The following PRKCA variants were observed in gnomAD, a reference collection of about 807,000 sequenced individuals.
PRKCA encodes protein kinase C alpha type.
In PRKCA, 27 loss-of-function variants were observed where a neutral mutation model predicts 87.0. The ratio of observed to expected loss-of-function variants is 0.31; its 90% CI spans 0.23 to 0.43. The LOEUF (loss-of-function observed/expected upper bound fraction) is 0.43. Ranked by LOEUF, PRKCA falls within the 20% of genes least tolerant of loss-of-function variation. The pLI, the probability that PRKCA is intolerant of heterozygous loss-of-function variation, is 1.00. For synonymous variants in PRKCA, 329 were observed against 311.1 expected (o/e 1.06, Z -0.61); for missense variants, 518 against 852.3 (o/e 0.61, Z 4.88).
rs187451160 is a variant in PRKCA, at chr17:66,491,690, A to G, written c.206-4511A>G. Among the ~76,000 whole-genome samples the G allele has an allele frequency of 3.3e-3, 497 of 152,334 alleles. 3 individuals are homozygous for G. The Middle Eastern group carries it at 0.041, about 13-fold the overall frequency. The stretch of plus-strand genomic sequence containing the variant: ...CCCTATGATGTCCATCTCCAGGCAA[A>G]CCTAATGCATCCTTTTGTTTTATTG... On this transcript the variant is annotated intron_variant, in intron 2 of 16. Transcript: ENST00000413366.
At chr17:66,741,953 A>G (rs1381076406) in intron 12 of PRKCA, among the ~76,000 whole-genome samples, 1 of 152,210 alleles carries the variant, frequency 6.6e-6, no homozygotes, top group African/African-American at 2.4e-5. Context: ...ACAAGAAAAC[A>G]CATTTTTCTC....
At chr17:66,448,764 CTCAT>C (rs1914161100) in intron 2 of PRKCA, among the ~76,000 whole-genome samples, 1 of 151,810 alleles carries the variant, frequency 6.6e-6, no homozygotes, top group African/African-American at 2.4e-5. Context: ...AATGAAAATG[CTCAT>C]TCAGTTTTAC....
At chr17:66,782,960 A>T (rs1975276897) in intron 14 of PRKCA, among the ~76,000 whole-genome samples, 1 of 152,212 alleles carries the variant, frequency 6.6e-6, no homozygotes, top group Non-Finnish European at 1.5e-5. Context: ...TGACATGCAG[A>T]GAGAGGCTGA....
chr17:66,778,523 TAAAAG>T (rs965972636), intron 14 of PRKCA, among the ~76,000 whole-genome samples: 1 of 149,450 alleles, frequency 6.7e-6, no homozygotes. Context: ...CTCAAAAAAA[TAAAAG>T]AAAAAAAGAA....
intron 2 of PRKCA, among the ~76,000 whole-genome samples, chr17:66,478,858 T>A (rs756143642): frequency 1.3e-5 from 2 of 152,206 alleles, no homozygotes; most frequent in Non-Finnish European, 2.9e-5. Flanking sequence ...TTGTTAAATA[T>A]AAGTTTTTTG....
chr17:66,689,728 G>A lies in PRKCA; in HGVS notation c.918+681G>A, dbSNP rs548566780. Among the ~76,000 whole-genome samples the A allele has an allele frequency of 2.6e-5, 4 of 151,968 alleles. No individual in the cohort carries two copies. The highest frequency in any genetic ancestry group is 2.1e-4 in the South Asian group (1 of 4,804). On this transcript the variant is annotated intron_variant, in intron 8 of 16. Coordinates refer to ENST00000413366, the MANE Select transcript of PRKCA (RefSeq NM_002737.3). This position sits in a 1 kb window ranked among gnomAD's most constrained non-coding sequence, Gnocchi z 4.1. ...ACCGACATCTCAGCTTTTAGTAAACGGTTCTTTTCTGTAAGCACCTTCCTT... is the reference window on the plus strand; with the variant it reads ...ACCGACATCTCAGCTTTTAGTAAACAGTTCTTTTCTGTAAGCACCTTCCTT...
At chr17:66,533,506 T>G (rs939668539) in intron 3 of PRKCA, among the ~76,000 whole-genome samples, 3 of 152,250 alleles carry the variant, frequency 2.0e-5, no homozygotes, top group African/African-American at 7.2e-5. Context: ...GCCTGTGTAT[T>G]GACTGCTTGA....
intron 3 of PRKCA, among the ~76,000 whole-genome samples, chr17:66,610,019 G>A (rs527642713): frequency 9.2e-5 from 14 of 152,002 alleles, no homozygotes; most frequent in South Asian, 2.1e-4. Context: ...CATCAGGTCC[G>A]ACAAGATAAG....
At chr17:66,621,250 A>C (rs1316086826) in intron 3 of PRKCA, among the ~76,000 whole-genome samples, 1 of 152,236 alleles carries the variant, frequency 6.6e-6, no homozygotes, top group Admixed American at 6.5e-5. Flanking sequence ...TTTGATTTTC[A>C]TTAAATGGCA....
At position 66,342,251 on chromosome 17, in the gene PRKCA, G is replaced by A. The variant is rs369529088; in HGVS notation, c.205+36124G>A. On this transcript the variant is annotated intron_variant, in intron 2 of 16. Transcript: ENST00000413366. ...ATCCTAGCCAACTTGGTGAAACCCC[G>A]TCTCTACTAAAAATACAAAAATCAG... 6.6e-5 allele frequency among the ~76,000 whole-genome samples: 10 copies of A among 151,874 alleles called. No individual in the cohort carries two copies. In the East Asian group the frequency reaches 7.8e-4, roughly 12 times the overall value.
intron 2 of PRKCA, among the ~76,000 whole-genome samples, chr17:66,423,216 TGAGA>T (rs1180137160): frequency 6.6e-6 from 1 of 152,182 alleles, no homozygotes; most frequent in Non-Finnish European, 1.5e-5. Context: ...TTCATGATGC[TGAGA>T]GAGTCTCACC....
chr17:66,544,873 A>G (rs1384889141), intron 3 of PRKCA, among the ~76,000 whole-genome samples: 4 of 152,068 alleles, frequency 2.6e-5, no homozygotes, highest in African/African-American at 9.7e-5. Context: ...GATTACAGGC[A>G]TGAGCCACCA....
chr17:66,483,483 C>T (rs1253279618), intron 2 of PRKCA, among the ~76,000 whole-genome samples: 4 of 84,690 alleles, frequency 4.7e-5, no homozygotes, highest in Non-Finnish European at 1.1e-4. Context: ...TTTATTTTTT[C>T]GAGACAGAGT....
chr17:66,535,466 A>G (rs1967744876), intron 3 of PRKCA, among the ~76,000 whole-genome samples: 1 of 152,172 alleles, frequency 6.6e-6, no homozygotes, highest in Non-Finnish European at 1.5e-5. Context: ...AACCTGCTCC[A>G]TCTTGGACCC....
chr17:66,781,866 G>GATAT (rs766995438), intron 14 of PRKCA, among the ~76,000 whole-genome samples: 3 of 132,800 alleles, frequency 2.3e-5, no homozygotes, highest in Admixed American at 7.3e-5. Context: ...GAGAGAGAGA[G>GATAT]AGATATATAT....
intron 8 of PRKCA, among the ~76,000 whole-genome samples, chr17:66,718,390 G>A (rs1305907485): frequency 3.3e-5 from 5 of 152,160 alleles, no homozygotes; most frequent in African/African-American, 4.8e-5. Flanking sequence ...ACTGTTCACT[G>A]CATCCTCGAA....
intron 3 of PRKCA, among the ~76,000 whole-genome samples, chr17:66,562,849 G>A (rs1968759204): frequency 6.6e-6 from 1 of 152,064 alleles, no homozygotes; most frequent in East Asian, 1.9e-4. Context: ...TGCCCACCTC[G>A]GCCTCCCGAA....
At chr17:66,628,794 G>A (rs922729374) in intron 3 of PRKCA, among the ~76,000 whole-genome samples, 4 of 152,170 alleles carry the variant, frequency 2.6e-5, no homozygotes, top group Admixed American at 6.5e-5. Context: ...TGGGGAGGCC[G>A]ACGTGGGCGG....
At chr17:66,572,242 G>A (rs1024492322) in intron 3 of PRKCA, among the ~76,000 whole-genome samples, 4 of 152,152 alleles carry the variant, frequency 2.6e-5, no homozygotes, top group East Asian at 1.9e-4. Flanking sequence ...AGAGGTGGGC[G>A]GATCACCTGA....
Sources: gnomAD v4.1 joint callset for allele counts (sites outside exome capture counted in the v4.1 genomes callset) on GRCh38, gnomAD v4.1.1 for gene constraint, Gnocchi (gnomAD v3.1) non-coding constraint, MANE v1.5 for transcripts, NCBI Gene and HGNC (gene_info 2026-07-23, HGNC 2026-07-21) for gene names.